KCNH8: variants seen among roughly 807,000 people sequenced by gnomAD.
KCNH8 encodes the protein potassium voltage-gated channel subfamily H member 8.
A neutral mutation model predicts 103.6 loss-of-function variants in KCNH8; 70 were observed. The ratio of observed to expected loss-of-function variants is 0.68; its 90% CI spans 0.56 to 0.82. The LOEUF is 0.82. Ranked by LOEUF, KCNH8 falls within the 40% of genes least tolerant of loss-of-function variation. The pLI is 0.00. For missense variants in KCNH8, 1,217 were observed against 1,329.9 expected (o/e 0.92, Z 1.32); for synonymous variants, 498 against 489.4 (o/e 1.02, Z -0.23).
rs2066500102 is a variant in KCNH8 at position 19,395,360 on chromosome 3, AG to A, written c.1177+50del. 3.0e-6 allele frequency: 4 copies of A among 1,311,714 alleles called. No homozygotes were observed. In the South Asian group the frequency reaches 4.9e-5, roughly 16 times the overall value. The allele number at this position is 1,311,714 out of a possible 1,614,324, so 81.3% of individuals were successfully genotyped here. A position where few individuals can be genotyped will look rare whatever the true frequency, so the allele number is the denominator to read the frequency against. On this transcript the variant is annotated intron_variant, in intron 7 of 15. Transcript: ENST00000328405. ...TTTCCATTTTTTAATTTAAAAAAAAAGAGTATCAAGAACTTGGAGGAAGTGA... is the reference window on the plus strand; with the variant it reads ...TTTCCATTTTTTAATTTAAAAAAAAAAGTATCAAGAACTTGGAGGAAGTGA...
At chr3:19,290,730 C>A (rs1040277314) in intron 3 of KCNH8, among the ~76,000 whole-genome samples, 1 of 152,004 alleles carries the variant, frequency 6.6e-6, no homozygotes. Context: ...TTTCTCTGCC[C>A]GGCTTTGGTA....
chr3:19,269,798 T>C (rs1016065758), intron 2 of KCNH8, among the ~76,000 whole-genome samples: 1 of 152,142 alleles, frequency 6.6e-6, no homozygotes, highest in African/African-American at 2.4e-5. Flanking sequence ...CTCTAGGCCA[T>C]TGGTGGCCAA....
Position 19,456,850 on chromosome 3 carries a change from C to T in KCNH8, c.1908C>T (p.Tyr636=), listed in dbSNP as rs374076260. The change falls in exon 11 of 16, where the codon TAC becomes TAT. Residue 636 remains tyrosine, a synonymous_variant. Transcript: ENST00000328405. ...ATGCAGATGTAAAGGCTTTAACCTA[C>T]TGTGATCTCCAGTGTATCATCCTCA... ...KTNADVKALT[Y]CDLQCIILKG... is the part of the protein sequence containing the mutation. 57 of 1,612,052 alleles carry T rather than the reference C, an allele frequency of 3.5e-5. 1 individual carries two copies. Among genetic ancestry groups the T allele is most frequent in the Non-Finnish European group, 4.5e-5 (53 of 1,178,676 alleles).
intron 3 of KCNH8, among the ~76,000 whole-genome samples, chr3:19,312,856 C>T (rs968007986): frequency 6.6e-6 from 1 of 151,918 alleles, no homozygotes; most frequent in African/African-American, 2.4e-5. Flanking sequence ...TGAAAAGACA[C>T]AGGTCATTTC....
chr3:19,346,571 T>G (rs2065732443), intron 4 of KCNH8: 2 of 455,350 alleles, frequency 4.4e-6, no homozygotes, highest in Admixed American at 4.7e-5. Context: ...AATATTAAGG[T>G]AGCAGAACTA....
At chr3:19,159,632 T>G (rs1480031675) in intron 1 of KCNH8, among the ~76,000 whole-genome samples, 1 of 152,136 alleles carries the variant, frequency 6.6e-6, no homozygotes, top group Non-Finnish European at 1.5e-5. Flanking sequence ...CAAACGTTTG[T>G]GTAGTGAATA....
intron 10 of KCNH8, among the ~76,000 whole-genome samples, chr3:19,452,049 G>A (rs1241257466): frequency 6.6e-6 from 1 of 152,130 alleles, no homozygotes; most frequent in African/African-American, 2.4e-5. Context: ...CAGAGTTAAT[G>A]TATTGAAAAT....
chr3:19,374,543 G>C (rs188115227), intron 5 of KCNH8, among the ~76,000 whole-genome samples: 39 of 152,252 alleles, frequency 2.6e-4, no homozygotes, highest in Non-Finnish European at 4.4e-4. Context: ...ACTGATGGGT[G>C]TTGACTCTTT....
At chr3:19,213,026 T>G (rs1471546684) in intron 1 of KCNH8, among the ~76,000 whole-genome samples, 1 of 152,102 alleles carries the variant, frequency 6.6e-6, no homozygotes, top group Non-Finnish European at 1.5e-5. Flanking sequence ...TAATTAAAAG[T>G]CTCTCAATTT....
intron 1 of KCNH8, among the ~76,000 whole-genome samples, chr3:19,154,374 G>A (rs974748170): frequency 6.6e-6 from 1 of 152,100 alleles, no homozygotes; most frequent in Non-Finnish European, 1.5e-5. Context: ...AGCCATAAAA[G>A]ATCTTTAAAC....
intron 1 of KCNH8, among the ~76,000 whole-genome samples, chr3:19,243,690 T>G (rs2064170277): frequency 6.6e-6 from 1 of 152,130 alleles, no homozygotes; most frequent in Non-Finnish European, 1.5e-5. Context: ...AAATTCAAAT[T>G]TAAAAGACCT....
chr3:19,277,393 A>C (rs542340537), intron 2 of KCNH8, among the ~76,000 whole-genome samples: 1 of 152,020 alleles, frequency 6.6e-6, no homozygotes, highest in Non-Finnish European at 1.5e-5. Context: ...GGAGATCCCC[A>C]TCTCTACAGA....
At chr3:19,521,474 T>G (rs1429141452) in intron 15 of KCNH8, among the ~76,000 whole-genome samples, 3 of 151,950 alleles carry the variant, frequency 2.0e-5, no homozygotes, top group Non-Finnish European at 4.4e-5. Context: ...TCAATAAATG[T>G]TGATTCCATC....
intron 10 of KCNH8, among the ~76,000 whole-genome samples, chr3:19,454,343 T>C (rs1016606455): frequency 2.0e-5 from 3 of 152,090 alleles, no homozygotes; most frequent in African/African-American, 7.2e-5. Context: ...ACCTTAATCA[T>C]AAAATATTTT....
chr3:19,493,065 C>T (rs1021239312), intron 11 of KCNH8, among the ~76,000 whole-genome samples: 1 of 151,104 alleles, frequency 6.6e-6, no homozygotes, highest in Non-Finnish European at 1.5e-5. Context: ...GATTTTTGTA[C>T]ATTGATTTTT....
chr3:19,188,109 C>T (rs545192468), intron 1 of KCNH8, among the ~76,000 whole-genome samples: 39 of 152,156 alleles, frequency 2.6e-4, no homozygotes, highest in South Asian at 1.7e-3. Flanking sequence ...AATAGCCCTA[C>T]TCATTTGTTT....
intron 1 of KCNH8, among the ~76,000 whole-genome samples, chr3:19,250,076 T>C (rs181562336): frequency 2.6e-5 from 4 of 152,102 alleles, no homozygotes; most frequent in African/African-American, 7.2e-5. Flanking sequence ...TCTACAAAAA[T>C]TAGCCAGGTG....
At chr3:19,166,913 G>A (rs2063291175) in intron 1 of KCNH8, among the ~76,000 whole-genome samples, 1 of 152,218 alleles carries the variant, frequency 6.6e-6, no homozygotes, top group Non-Finnish European at 1.5e-5. Flanking sequence ...CTAGTGGTTA[G>A]TATAGAAGGA....
chr3:19,491,721 G>A (rs1393635352), intron 11 of KCNH8, among the ~76,000 whole-genome samples: 1 of 152,120 alleles, frequency 6.6e-6, no homozygotes, highest in Non-Finnish European at 1.5e-5. Flanking sequence ...GGAATTGCTG[G>A]GTCAAATAAT....
Sources: gnomAD v4.1 joint callset for allele counts (sites outside exome capture counted in the v4.1 genomes callset) on GRCh38, gnomAD v4.1.1 for gene constraint, MANE v1.5 for transcripts, NCBI Gene and HGNC (gene_info 2026-07-23, HGNC 2026-07-21) for gene names.